The following ZNF607 variants were observed in gnomAD, a reference collection of about 807,000 sequenced individuals.
ZNF607 encodes zinc finger protein 607.
ZNF607 carries 5 observed loss-of-function variants against 12.8 expected under a neutral mutation model. That is an observed-to-expected ratio of 0.39 (90% CI 0.20 to 0.82). The LOEUF (loss-of-function observed/expected upper bound fraction) is 0.82, where lower values mean the gene tolerates loss of function less well. Among genes scored for constraint, ZNF607 ranks in the 40% least tolerant of loss-of-function variants. The probability of loss-of-function intolerance (pLI) is 0.39; values close to 1 mark genes in which losing one functional copy is unlikely to be tolerated. For synonymous variants in ZNF607, 287 were observed against 276.2 expected (o/e 1.04, Z -0.39); for missense variants, 851 against 859.2 (o/e 0.99, Z 0.12).
At position 37,696,540 on chromosome 19, in the gene ZNF607, G is replaced by A. The variant is rs552761502; in HGVS notation, c.*1500C>T. ...TCATGAAATTTCAGTGATTTCTGGGGTGAGGGCGAAAGGTGGTGTTACGAA... is the reference window on the plus strand; with the variant it reads ...TCATGAAATTTCAGTGATTTCTGGGATGAGGGCGAAAGGTGGTGTTACGAA... On this transcript the variant is annotated 3_prime_UTR_variant, in exon 5 of 5. Coordinates refer to ENST00000355202, the MANE Select transcript of ZNF607 (RefSeq NM_032689.5). 3 of 442,940 alleles carry A rather than the reference G, an allele frequency of 6.8e-6. No individual in the cohort carries two copies. The highest frequency in any genetic ancestry group is 1.2e-5 in the Non-Finnish European group (3 of 242,890). The allele number at this position is 442,940 out of a possible 1,614,324, so 27.4% of individuals were successfully genotyped here.
Position 37,698,967 on chromosome 19 carries a change from A to G in ZNF607, c.1164T>C (p.Ser388=). 1.9e-6 allele frequency: 3 copies of G among 1,613,996 alleles called. No individual in the cohort carries two copies. In the South Asian group the frequency reaches 3.3e-5, roughly 18 times the overall value. The change falls in exon 5 of 5, where the codon AGT becomes AGC. Residue 388 remains serine, a synonymous_variant. Transcript: ENST00000355202. Reference sequence around the variant, plus strand: ...TGTTACATTCATAGGGTTTCTTACCACTATGAATACCCTGATGTCGAGTAA... The same window carrying G: ...TGTTACATTCATAGGGTTTCTTACCGCTATGAATACCCTGATGTCGAGTAA... The part of the protein sequence containing the change: ...GRLTRHQGIH[S]GKKPYECNKC...
In ZNF607 at chr19:37,697,908, A is replaced by G; in HGVS notation, c.*132T>C. ...ATTTTGAAAAGTTCACACCAATACA[A>G]ATTGATGCCTAATAAAAACTGAACT... On this transcript the variant is annotated 3_prime_UTR_variant, in exon 5 of 5. Coordinates refer to ENST00000355202, the MANE Select transcript of ZNF607 (RefSeq NM_032689.5). The G allele has an allele frequency of 1.2e-6, 1 of 852,486 alleles. No homozygotes were observed. Among genetic ancestry groups the G allele is most frequent in the Non-Finnish European group, 1.8e-6 (1 of 558,316 alleles). The allele number at this position is 852,486 out of a possible 1,614,324, so 52.8% of individuals were successfully genotyped here. A position where few individuals can be genotyped will look rare whatever the true frequency, so the allele number is the denominator to read the frequency against.
At chr19:37,716,137 C>T (rs1270882006) in intron 1 of ZNF607, among the ~76,000 whole-genome samples, 1 of 152,088 alleles carries the variant, frequency 6.6e-6, no homozygotes, top group Admixed American at 6.5e-5. Flanking sequence ...ATCTAATGGG[C>T]TTTGTGATTC....
rs2972437 is a variant in ZNF607, at chr19:37,719,610, T to G, written c.-416A>C. On this transcript the variant is annotated 5_prime_UTR_variant, in exon 1 of 5. Transcript: ENST00000355202. ...GTCCAAGTTTTCTCCGTTGCCTTTG[T>G]AATATGTAGTCCAAGCCAGAACAGT... 0.75 allele frequency: 113,910 copies of G among 152,300 alleles called. 43,257 individuals carry two copies. The highest frequency in any genetic ancestry group is 0.83 in the Middle Eastern group (244 of 294). 9.4% of individuals were successfully genotyped at this position (152,300 alleles called of 1,614,324 possible).
In ZNF607 at chr19:37,696,811, G is replaced by A. The variant is rs535281856; in HGVS notation, c.*1229C>T. 27 of 1,243,884 alleles carry A rather than the reference G, an allele frequency of 2.2e-5. No homozygotes were observed. The Middle Eastern group carries it at 6.3e-4, about 29-fold the overall frequency. The allele number at this position is 1,243,884 out of a possible 1,614,324, so 77.1% of individuals were successfully genotyped here. A position where few individuals can be genotyped will look rare whatever the true frequency, so the allele number is the denominator to read the frequency against. ...GTCACCCTCAGCAGAGATGATGGCC[G>A]CCTTTTCCACCACAAATCTGGCGCT... On this transcript the variant is annotated 3_prime_UTR_variant, in exon 5 of 5. Coordinates refer to ENST00000355202, the MANE Select transcript of ZNF607 (RefSeq NM_032689.5).
rs1283049407 is a variant in ZNF607, at chr19:37,719,464, C to A, written c.-270G>T. 6.6e-6 allele frequency: 1 copy of A among 152,468 alleles called. No individual in the cohort carries two copies. The highest frequency in any genetic ancestry group is 2.4e-5 in the African/African-American group (1 of 41,468). 9.4% of individuals were successfully genotyped at this position (152,468 alleles called of 1,614,324 possible). A position where few individuals can be genotyped will look rare whatever the true frequency, so the allele number is the denominator to read the frequency against. On this transcript the variant is annotated 5_prime_UTR_variant, in exon 1 of 5. Coordinates refer to ENST00000355202, the MANE Select transcript of ZNF607 (RefSeq NM_032689.5). The stretch of plus-strand genomic sequence containing the variant: ...CCGCGCTCTGAGCGCCTCCTGCAGC[C>A]CCACTCTCACCGCCACGCAGGGTAC...
intron 1 of ZNF607, chr19:37,719,017 T>C (rs1012619039): frequency 6.6e-6 from 1 of 152,260 alleles, no homozygotes; most frequent in African/African-American, 2.4e-5. Flanking sequence ...TATCATACCT[T>C]TCTTAAGGGC....
At chr19:37,714,555 C>T (rs2045159655) in intron 1 of ZNF607, among the ~76,000 whole-genome samples, 1 of 109,572 alleles carries the variant, frequency 9.1e-6, no homozygotes, top group Admixed American at 9.3e-5. Context: ...CAGAGTGAGA[C>T]CCCATCTCAA....
chr19:37,704,733 G>A (rs1215920922), intron 4 of ZNF607, among the ~76,000 whole-genome samples: 1 of 152,160 alleles, frequency 6.6e-6, no homozygotes, highest in Non-Finnish European at 1.5e-5. Flanking sequence ...GCGAGCGGGC[G>A]GATCACAAGG....
At chr19:37,711,051 T>A (rs2045128910) in intron 2 of ZNF607, among the ~76,000 whole-genome samples, 1 of 152,064 alleles carries the variant, frequency 6.6e-6, no homozygotes, top group Admixed American at 6.5e-5. Context: ...ATCATGACAT[T>A]ATTATTTTAT....
Position 37,717,236 on chromosome 19 carries a change from C to T in ZNF607, c.-75+2033G>A, listed in dbSNP as rs559878072. Among the ~76,000 whole-genome samples the T allele has an allele frequency of 1.8e-3, 278 of 152,232 alleles. 1 individual carries two copies. The highest frequency in any genetic ancestry group is 3.0e-3 in the Non-Finnish European group (206 of 68,018). On this transcript the variant is annotated intron_variant, in intron 1 of 4. Transcript: ENST00000355202. ...AGTCTCGCGCTGTCGCCCAGGCTGG[C>T]GTGCAGTGGCTCGATCTCGGCTCAC...
At position 37,699,616 on chromosome 19, in the gene ZNF607, C is replaced by G. The variant is rs1175653089; in HGVS notation, c.515G>C (p.Cys172Ser). Residue 172 changes from cysteine to serine, a missense_variant, in exon 5 of 5, where the codon TGT becomes TCT. Transcript: ENST00000355202. ...KINAREKPYE[C>S]EECGKVFSYP... ...ACTGAAGACCTTCCCACATTCTTCA[C>G]ATTCATAAGGTTTCTCACGAGCATT... The G allele has an allele frequency of 6.2e-7, 1 of 1,614,174 alleles. No homozygotes were observed. Among genetic ancestry groups the G allele is most frequent in the South Asian group, 1.1e-5 (1 of 91,082 alleles).
intron 4 of ZNF607, among the ~76,000 whole-genome samples, chr19:37,706,742 G>A (rs1389102529): frequency 6.6e-6 from 1 of 152,180 alleles, no homozygotes; most frequent in Non-Finnish European, 1.5e-5. Context: ...CCAGGTTGGA[G>A]TGCGGTATTG....
In ZNF607 at chr19:37,698,321, G is replaced by T; in HGVS notation, c.1810C>A (p.Leu604Ile). Residue 604 changes from leucine to isoleucine, a missense_variant, in exon 5 of 5, where the codon CTT (leucine) becomes ATT (isoleucine). Physicochemically the swap from Leu to Ile is conservative, Grantham distance 5. Transcript: ENST00000355202. ...CGETFSHASHLIIHERIHTSD... is the reference protein window; with the variant it reads ...CGETFSHASHIIIHERIHTSD... Reference sequence around the variant, plus strand: ...GTATGAATTCTCTCATGAATAATAAGATGTGAAGCATGACTAAAAGTTTCC... The same window carrying T: ...GTATGAATTCTCTCATGAATAATAATATGTGAAGCATGACTAAAAGTTTCC... 1 of 1,614,126 alleles carries T rather than the reference G, an allele frequency of 6.2e-7. No individual in the cohort carries two copies. The highest frequency in any genetic ancestry group is 1.1e-5 in the South Asian group (1 of 91,076).
intron 4 of ZNF607, among the ~76,000 whole-genome samples, chr19:37,702,261 T>C (rs1599662084): frequency 8.3e-6 from 1 of 120,380 alleles, no homozygotes; most frequent in African/African-American, 3.3e-5. Context: ...CACTCCAGCC[T>C]GGGCAACAAC....
chr19:37,707,700 A>C (rs1378787353), intron 4 of ZNF607, among the ~76,000 whole-genome samples: 2 of 152,178 alleles, frequency 1.3e-5, no homozygotes, highest in African/African-American at 4.8e-5. Context: ...TCGGCCTCCC[A>C]AAGCGCTGGG....
At chr19:37,702,287 C>CAAAAAAAAAAAAAAAAA (rs10714690) in intron 4 of ZNF607, among the ~76,000 whole-genome samples, 4 of 73,602 alleles carry the variant, frequency 5.4e-5, no homozygotes, top group African/African-American at 1.1e-4. Flanking sequence ...AACTCCATCT[C>CAAAAAAAAAAAAAAAAA]AAAAAAAAAA....
chr19:37,697,425 C>G lies in ZNF607; in HGVS notation c.*615G>C. 1 of 1,036,256 alleles carries G rather than the reference C, an allele frequency of 9.7e-7. No homozygotes were observed. The highest frequency in any genetic ancestry group is 1.5e-6 in the Non-Finnish European group (1 of 682,010). The allele number at this position is 1,036,256 out of a possible 1,614,324, so 64.2% of individuals were successfully genotyped here. The stretch of plus-strand genomic sequence containing the variant: ...CATGTTTTCTTCTGCGGGACCCTCT[C>G]ACACCTGCTTCCACTCTGACCTCCA... On this transcript the variant is annotated 3_prime_UTR_variant, in exon 5 of 5. Transcript: ENST00000355202.
At chr19:37,705,459 C>T (rs2045073490) in intron 4 of ZNF607, among the ~76,000 whole-genome samples, 2 of 152,146 alleles carry the variant, frequency 1.3e-5, no homozygotes, top group Admixed American at 1.3e-4. Flanking sequence ...CTAAGGCAGG[C>T]AGATCATCTG....
Sources: allele counts gnomAD v4.1 joint callset (sites outside exome capture counted in the v4.1 genomes callset), GRCh38; gene constraint gnomAD v4.1.1; transcripts MANE v1.5; gene names NCBI Gene and HGNC (gene_info 2026-07-23, HGNC 2026-07-21).